The following STON1 variants were observed in gnomAD, a reference collection of about 807,000 sequenced individuals.
STON1 encodes the protein stonin-1.
In STON1, 79 loss-of-function variants were observed where a neutral mutation model predicts 60.9. The observed-to-expected ratio is 1.30, with a 90% CI of 1.08 to 1.56. The LOEUF (loss-of-function observed/expected upper bound fraction) is 1.56. STON1 is among the 40% of genes most tolerant of loss of function. STON1 has a pLI of 0.00. For missense variants in STON1, 1,166 were observed against 858.9 expected, an observed-to-expected ratio of 1.36 and a Z score of -4.47; for synonymous variants, 363 against 306.9, an observed-to-expected ratio of 1.18 and a Z score of -1.91.
At position 48,548,062 on chromosome 2, in the gene STON1, C is replaced by T. The variant is rs184968600; in HGVS notation, c.-48+17846C>T. On this transcript the variant is annotated intron_variant, in intron 1 of 3. Transcript: ENST00000404752. ...CAGCATGCCCTGATGTCCTGGTGAC[C>T]AGCCTTTGGTAACTCTTTAGTCTTT... 1.8e-4 allele frequency among the ~76,000 whole-genome samples: 27 copies of T among 152,336 alleles called. 3 individuals are homozygous for T. Among genetic ancestry groups the T allele is most frequent in the African/African-American group, 6.0e-4 (25 of 41,580 alleles).
intron 1 of STON1, among the ~76,000 whole-genome samples, chr2:48,563,617 C>G (rs1470911227): frequency 6.6e-6 from 1 of 152,210 alleles, no homozygotes; most frequent in African/African-American, 2.4e-5. Context: ...TAGTCTCAGA[C>G]TCTTGTGTCT....
chr2:48,561,652 C>T lies in STON1; in HGVS notation c.-47-18935C>T, dbSNP rs537043453. ...GCATCTCTGGCCCCTACTTACTAGA[C>T]GCTAGTAGCATTCCTGATTGTCAGT... On this transcript the variant is annotated intron_variant, in intron 1 of 3. Coordinates refer to ENST00000404752, the MANE Select transcript of STON1 (RefSeq NM_006873.4). 5.9e-5 allele frequency among the ~76,000 whole-genome samples: 9 copies of T among 152,276 alleles called. No homozygotes were observed. In the South Asian group the frequency reaches 1.4e-3, roughly 25 times the overall value.
chr2:48,579,293 C>G (rs1207381455), intron 1 of STON1, among the ~76,000 whole-genome samples: 1 of 150,112 alleles, frequency 6.7e-6, no homozygotes, highest in African/African-American at 2.5e-5. Flanking sequence ...ATGTGAGCCA[C>G]TGCACCCAGC....
chr2:48,565,045 CT>C (rs35791710), intron 1 of STON1, among the ~76,000 whole-genome samples: 2,756 of 86,522 alleles, frequency 0.032, 46 homozygotes, highest in African/African-American at 0.062. Flanking sequence ...CCGGCTTCTT[CT>C]TTTTTTTTTT....
At chr2:48,547,541 A>G (rs745786032) in intron 1 of STON1, among the ~76,000 whole-genome samples, 10 of 152,200 alleles carry the variant, frequency 6.6e-5, no homozygotes, top group Admixed American at 2.6e-4. Flanking sequence ...TGCGGGGTCA[A>G]AGCTGGCCTG....
chr2:48,536,743 A>C (rs1438122659), intron 1 of STON1, among the ~76,000 whole-genome samples: 1 of 152,170 alleles, frequency 6.6e-6, no homozygotes, highest in East Asian at 1.9e-4. Context: ...TTGAAATTGC[A>C]TTCAATTAAT....
intron 3 of STON1, among the ~76,000 whole-genome samples, chr2:48,593,026 A>G (rs886481348): frequency 6.6e-6 from 1 of 152,136 alleles, no homozygotes; most frequent in Non-Finnish European, 1.5e-5. Context: ...TTCCCTTCTT[A>G]TCCTCAAGTT....
chr2:48,542,870 C>G (rs1671708216), intron 1 of STON1, among the ~76,000 whole-genome samples: 1 of 151,686 alleles, frequency 6.6e-6, no homozygotes, highest in South Asian at 2.1e-4. Context: ...CACCAAGGCA[C>G]TCCCGCCTGG....
intron 1 of STON1, among the ~76,000 whole-genome samples, chr2:48,560,268 G>A (rs1672555848): frequency 6.6e-6 from 1 of 152,122 alleles, no homozygotes; most frequent in Non-Finnish European, 1.5e-5. Context: ...TAAAATGTGT[G>A]ATCTGAGCCA....
chr2:48,582,035 G>T lies in STON1; in HGVS notation c.1402G>T (p.Glu468Ter). ...TGACCTTGAGTTGCCGAAGCGAGAT[G>T]AATCCTATTATGAGAAGGACTCAGA... ...LNDLELPKRD[E>*]SYYEKDSEKK... is the part of the protein sequence containing the mutation. Residue 468 changes from glutamate to a stop codon, truncating the protein, a stop_gained, in exon 2 of 4, where the codon GAA becomes TAA. Transcript: ENST00000404752. LOFTEE classifies it high-confidence loss of function. The T allele has an allele frequency of 6.2e-7, 1 of 1,614,148 alleles. No homozygotes were observed. Among genetic ancestry groups the T allele is most frequent in the East Asian group, 2.2e-5 (1 of 44,886 alleles).
chr2:48,560,259 A>G (rs1247052200), intron 1 of STON1, among the ~76,000 whole-genome samples: 1 of 152,222 alleles, frequency 6.6e-6, no homozygotes, highest in African/African-American at 2.4e-5. Context: ...TTGCATATTT[A>G]AAATGTGTGA....
At chr2:48,578,558 TCTC>T (rs1199074783) in intron 1 of STON1, among the ~76,000 whole-genome samples, 727 of 54,622 alleles carry the variant, frequency 0.013, 8 homozygotes, top group Non-Finnish European at 0.025. Flanking sequence ...TTCTCCTCCT[TCTC>T]CTCCTCCTCC....
chr2:48,561,218 C>A (rs918108114), intron 1 of STON1, among the ~76,000 whole-genome samples: 2 of 152,226 alleles, frequency 1.3e-5, no homozygotes, highest in Non-Finnish European at 2.9e-5. Flanking sequence ...GACCAATGTG[C>A]ATAAAACCAG....
At chr2:48,564,572 T>TCCTC (rs1558605725) in intron 1 of STON1, among the ~76,000 whole-genome samples, 2 of 54,000 alleles carry the variant, frequency 3.7e-5, no homozygotes, top group African/African-American at 1.6e-4. Context: ...TTCTTCTCCT[T>TCCTC]CTCCTTCTCC....
intron 1 of STON1, among the ~76,000 whole-genome samples, chr2:48,538,767 T>A (rs898566837): frequency 9.6e-5 from 14 of 146,280 alleles, no homozygotes; most frequent in East Asian, 7.9e-4. Flanking sequence ...CCAGCTATTT[T>A]TTTTTTTTTT....
At chr2:48,583,177 T>A (rs1673999451) in intron 2 of STON1, among the ~76,000 whole-genome samples, 1 of 152,198 alleles carries the variant, frequency 6.6e-6, no homozygotes, top group South Asian at 2.1e-4. Flanking sequence ...CAGCCTCCAC[T>A]TCCCAGGCTC....
At chr2:48,548,815 A>G (rs1454355823) in intron 1 of STON1, among the ~76,000 whole-genome samples, 1 of 151,728 alleles carries the variant, frequency 6.6e-6, no homozygotes, top group Admixed American at 6.6e-5. Flanking sequence ...TTTCTTTTTT[A>G]TCTCTTCCTT....
chr2:48,543,774 C>T (rs1054576099), intron 1 of STON1, among the ~76,000 whole-genome samples: 11 of 152,102 alleles, frequency 7.2e-5, no homozygotes, highest in African/African-American at 2.2e-4. Context: ...TCAGGTGATC[C>T]GCCTGCCTCA....
intron 1 of STON1, among the ~76,000 whole-genome samples, chr2:48,555,426 G>C (rs1235258477): frequency 1.2e-5 from 1 of 80,800 alleles, no homozygotes; most frequent in African/African-American, 4.7e-5. Flanking sequence ...CCTACCGGAC[G>C]GGGCCACTGG....
Sources: gnomAD v4.1 joint callset for allele counts (sites outside exome capture counted in the v4.1 genomes callset) on GRCh38, gnomAD v4.1.1 for gene constraint, MANE v1.5 for transcripts, NCBI Gene and HGNC (gene_info 2026-07-23, HGNC 2026-07-21) for gene names.